NDUFA9: variants seen among roughly 807,000 people sequenced by gnomAD.
NDUFA9 encodes the protein NADH:ubiquinone oxidoreductase subunit A9, also known as NADH dehydrogenase [ubiquinone] 1 alpha subcomplex subunit 9, mitochondrial.
NDUFA9 carries 23 observed loss-of-function variants against 45.9 expected under a neutral mutation model. The observed-to-expected ratio is 0.50, with a 90% confidence interval of 0.36 to 0.71. The LOEUF (loss-of-function observed/expected upper bound fraction) is 0.71, where lower values mean the gene tolerates loss of function less well. Among genes scored for constraint, NDUFA9 ranks in the 30% least tolerant of loss-of-function variants. NDUFA9 has a pLI of 0.00. For missense variants in NDUFA9, 466 were observed against 488.2 expected (o/e 0.95, Z 0.43); for synonymous variants, 176 against 170.5 (o/e 1.03, Z -0.25).
At chr12:4,678,669 C>T (rs759707285) in intron 8 of NDUFA9, among the ~76,000 whole-genome samples, 1 of 152,036 alleles carries the variant, frequency 6.6e-6, no homozygotes, top group Non-Finnish European at 1.5e-5. Context: ...AGCAGATGTA[C>T]TTAATCACTA....
intron 8 of NDUFA9, among the ~76,000 whole-genome samples, chr12:4,672,465 G>A (rs1219707529): frequency 1.3e-5 from 2 of 152,206 alleles, no homozygotes; most frequent in African/African-American, 4.8e-5. Flanking sequence ...ACAGAGCCCA[G>A]CAAGCTAAGA....
chr12:4,649,740 T>C (rs1232093226), intron 1 of NDUFA9, among the ~76,000 whole-genome samples: 1 of 152,152 alleles, frequency 6.6e-6, no homozygotes, highest in Non-Finnish European at 1.5e-5. Flanking sequence ...GCAAAGTGCG[T>C]TGGGGTCTGG....
At chr12:4,674,190 A>G (rs959663316) in intron 8 of NDUFA9, among the ~76,000 whole-genome samples, 2 of 152,222 alleles carry the variant, frequency 1.3e-5, no homozygotes, top group East Asian at 3.8e-4. Context: ...GAAAGGATCA[A>G]CTGATACCAG....
At chr12:4,663,256 C>G (rs1312354653) in intron 6 of NDUFA9, among the ~76,000 whole-genome samples, 3 of 151,758 alleles carry the variant, frequency 2.0e-5, no homozygotes, top group African/African-American at 7.3e-5. Flanking sequence ...CTTGTTTTTC[C>G]CCCTGTTGCT....
At chr12:4,674,769 A>G (rs1945908740) in intron 8 of NDUFA9, among the ~76,000 whole-genome samples, 1 of 152,188 alleles carries the variant, frequency 6.6e-6, no homozygotes, top group African/African-American at 2.4e-5. Context: ...AACGAGACAG[A>G]AAATTAACAA....
At chr12:4,673,135 T>C (rs1258335001) in intron 8 of NDUFA9, among the ~76,000 whole-genome samples, 1 of 152,134 alleles carries the variant, frequency 6.6e-6, no homozygotes, top group East Asian at 1.9e-4. Context: ...AGGGGCCTGT[T>C]AGAAGGAAAA....
In NDUFA9 at chr12:4,693,214, A is replaced by AAATG. The variant is rs1341111976; in HGVS notation, c.*6116_*6119dup. The AAATG allele has an allele frequency of 1.3e-5, 2 of 152,220 alleles. No homozygotes were observed. The highest frequency in any genetic ancestry group is 4.8e-5 in the African/African-American group (2 of 41,458). 9.4% of individuals were successfully genotyped at this position (152,220 alleles called of 1,614,324 possible). A position where few individuals can be genotyped will look rare whatever the true frequency, so the allele number is the denominator to read the frequency against. On this transcript the variant is annotated 3_prime_UTR_variant, in exon 11 of 11. Coordinates refer to ENST00000266544, the MANE Select transcript of NDUFA9 (RefSeq NM_005002.5). ...AAACAGTCCCAGACATCTGTTGAAT[A>AAATG]AATGAATGAATGAGGTGGGAAGTCT...
At chr12:4,657,671 C>T in intron 3 of NDUFA9, 77 bp from the exon 4 acceptor site, 1 of 1,028,316 alleles carries the variant, frequency 9.7e-7, no homozygotes, top group Admixed American at 1.7e-5. Flanking sequence ...TTGAAACTTG[C>T]ATTGAGGAGG....
At chr12:4,650,374 A>G (rs1220164895) in intron 1 of NDUFA9, among the ~76,000 whole-genome samples, 1 of 152,184 alleles carries the variant, frequency 6.6e-6, no homozygotes, top group Non-Finnish European at 1.5e-5. Context: ...TTGTTAAACT[A>G]TTACAATTGT....
intron 7 of NDUFA9, among the ~76,000 whole-genome samples, chr12:4,669,239 A>AACT (rs1945871588): frequency 6.6e-6 from 1 of 152,258 alleles, no homozygotes; most frequent in Non-Finnish European, 1.5e-5. Flanking sequence ...GACTCTAGAC[A>AACT]GTTGTCAAAT....
In NDUFA9 at chr12:4,659,271, C is replaced by T. The variant is rs7958182; in HGVS notation, c.552+94C>T. On this transcript the variant is annotated intron_variant, in intron 5 of 10. Transcript: ENST00000266544. ...TTCAGTGAGAAGGGTTTATCACAGA[C>T]ATATGTAGAATTAAAAGGTTTTCTG... is the stretch of plus-strand genomic sequence containing the variant. 808,393 of 1,116,526 alleles carry T rather than the reference C, an allele frequency of 0.72. 294,694 individuals carry two copies. Among genetic ancestry groups the T allele is most frequent in the East Asian group, 0.84 (34,440 of 41,042 alleles). The allele number at this position is 1,116,526 out of a possible 1,614,324, so 69.2% of individuals were successfully genotyped here.
intron 8 of NDUFA9, among the ~76,000 whole-genome samples, chr12:4,677,466 C>G (rs1945926769): frequency 6.6e-6 from 1 of 151,660 alleles, no homozygotes; most frequent in Admixed American, 6.6e-5. Flanking sequence ...AAAAAAACTT[C>G]ATCAAAAAGT....
chr12:4,663,610 T>C (rs1197121246), intron 6 of NDUFA9, among the ~76,000 whole-genome samples: 1 of 152,182 alleles, frequency 6.6e-6, no homozygotes, highest in African/African-American at 2.4e-5. Flanking sequence ...AGAGCCCTTA[T>C]CAGGAACCAA....
rs1458201753 is a variant in NDUFA9 at position 4,659,109 on chromosome 12, G to A, written c.484G>A (p.Glu162Lys). ...IAQLSKEAGV[E>K]KFIHVSHLNA... is the part of the protein sequence containing the mutation. ...TCAACTGTCCAAGGAAGCTGGAGTT[G>A]AAAAATTCATTCATGTTTCACATCT... The change falls in exon 5 of 11, where the codon GAA becomes AAA. Residue 162 changes from glutamate (E) to lysine (K), a missense_variant. Physicochemically the swap from Glu to Lys is moderately conservative, Grantham distance 56 (BLOSUM62 1). Coordinates refer to ENST00000266544, the MANE Select transcript of NDUFA9 (RefSeq NM_005002.5). The A allele has an allele frequency of 5.6e-6, 9 of 1,612,060 alleles. No individual in the cohort carries two copies. The South Asian group carries it at 8.8e-5, about 16-fold the overall frequency.
chr12:4,668,876 A>G (rs1392532354), intron 7 of NDUFA9, among the ~76,000 whole-genome samples: 2 of 152,208 alleles, frequency 1.3e-5, no homozygotes, highest in Non-Finnish European at 2.9e-5. Flanking sequence ...GTGCTATGAT[A>G]AGGAGAGGGT....
At chr12:4,681,163 A>T (rs1439788034) in intron 8 of NDUFA9, among the ~76,000 whole-genome samples, 1 of 152,196 alleles carries the variant, frequency 6.6e-6, no homozygotes, top group Non-Finnish European at 1.5e-5. Flanking sequence ...CTTTTTTATA[A>T]GGTTTAGACA....
rs560211397 is a variant in NDUFA9 at position 4,688,835 on chromosome 12, T to C, written c.*1727T>C. 6.6e-6 allele frequency: 1 copy of C among 152,348 alleles called. No homozygotes were observed. Among genetic ancestry groups the C allele is most frequent in the South Asian group, 2.1e-4 (1 of 4,830 alleles). The allele number at this position is 152,348 out of a possible 1,614,324, so 9.4% of individuals were successfully genotyped here. A position where few individuals can be genotyped will look rare whatever the true frequency, so the allele number is the denominator to read the frequency against. On this transcript the variant is annotated 3_prime_UTR_variant, in exon 11 of 11. Coordinates refer to ENST00000266544, the MANE Select transcript of NDUFA9 (RefSeq NM_005002.5). ...TTTCTTCAGATGCTGTCTGTTATTT[T>C]GGATGACACCCCTCCTGGCCATAAG...
chr12:4,661,711 A>G lies in NDUFA9; in HGVS notation c.553-822A>G, dbSNP rs189812174. Among the ~76,000 whole-genome samples, 162 of 150,618 alleles carry G rather than the reference A, an allele frequency of 1.1e-3. 15 individuals carry two copies. Among genetic ancestry groups the G allele is most frequent in the African/African-American group, 3.2e-3 (130 of 40,936 alleles). ...ACAGGGGAAGCAGAATCAGTGCACT[A>G]GAGTTCTTGAGAAGGTTGAGAAACA... On this transcript the variant is annotated intron_variant, in intron 5 of 10. Transcript: ENST00000266544.
At chr12:4,671,479 T>C (rs1945886815) in intron 8 of NDUFA9, among the ~76,000 whole-genome samples, 3 of 152,254 alleles carry the variant, frequency 2.0e-5, no homozygotes, top group Admixed American at 2.0e-4. Context: ...TGACATACCA[T>C]GTTCATGGAT....
Sources: allele counts gnomAD v4.1 joint callset (sites outside exome capture counted in the v4.1 genomes callset), GRCh38; gene constraint gnomAD v4.1.1; transcripts MANE v1.5; gene names NCBI Gene and HGNC (gene_info 2026-07-23, HGNC 2026-07-21).